ZDHHC2: variants seen among roughly 807,000 people sequenced by gnomAD.
The protein encoded by ZDHHC2 is palmitoyltransferase ZDHHC2.
A neutral mutation model predicts 55.6 loss-of-function variants in ZDHHC2; 51 were observed. The ratio of observed to expected loss-of-function variants is 0.92; its 90% CI spans 0.73 to 1.16. The LOEUF (loss-of-function observed/expected upper bound fraction) is 1.16, where lower values mean the gene tolerates loss of function less well. Among genes scored for constraint, ZDHHC2 ranks in the 50% most tolerant of loss-of-function variants. ZDHHC2 has a pLI of 0.00. For missense variants in ZDHHC2, 491 were observed against 442.4 expected (o/e 1.11, Z -0.99); for synonymous variants, 199 against 152.9 (o/e 1.30, Z -2.22).
At chr8:17,165,826 T>A (rs932781770) in intron 1 of ZDHHC2, among the ~76,000 whole-genome samples, 2 of 152,214 alleles carry the variant, frequency 1.3e-5, no homozygotes, top group African/African-American at 2.4e-5. Context: ...TCATGAAATT[T>A]AAGCAGAGAA....
At chr8:17,201,248 C>T (rs1370248613) in intron 6 of ZDHHC2, among the ~76,000 whole-genome samples, 1 of 152,054 alleles carries the variant, frequency 6.6e-6, no homozygotes, top group African/African-American at 2.4e-5. Context: ...TGTGCATAGC[C>T]TATAAACCCC....
chr8:17,193,719 G>A (rs1172733404), intron 3 of ZDHHC2, among the ~76,000 whole-genome samples: 1 of 152,196 alleles, frequency 6.6e-6, no homozygotes, highest in South Asian at 2.1e-4. Flanking sequence ...TTGGTATTCA[G>A]AGTGTACCTG....
At chr8:17,177,115 G>C (rs1805178195) in intron 1 of ZDHHC2, among the ~76,000 whole-genome samples, 1 of 152,176 alleles carries the variant, frequency 6.6e-6, no homozygotes, top group Admixed American at 6.5e-5. Context: ...GGCCAATTTT[G>C]TCAAAGAATT....
intron 8 of ZDHHC2, 41 bp from the exon 9 acceptor site, chr8:17,209,891 A>T: frequency 1.3e-6 from 2 of 1,560,376 alleles, no homozygotes; most frequent in Non-Finnish European, 1.7e-6. Context: ...GCTAGTAAAT[A>T]TGTTCTTTAC....
chr8:17,205,561 T>G, intron 6 of ZDHHC2, 94 bp from the exon 7 acceptor site: 1 of 1,324,190 alleles, frequency 7.6e-7, no homozygotes, highest in Non-Finnish European at 1.0e-6. Flanking sequence ...GCCAATAAAT[T>G]AGAAGTGAGA....
chr8:17,202,419 C>T (rs1314524102), intron 6 of ZDHHC2, among the ~76,000 whole-genome samples: 2 of 152,052 alleles, frequency 1.3e-5, no homozygotes, highest in South Asian at 2.1e-4. Context: ...GGCCACACTC[C>T]TTCCAATGTA....
At chr8:17,214,139 A>G (rs1453203572) in intron 10 of ZDHHC2, among the ~76,000 whole-genome samples, 1 of 152,206 alleles carries the variant, frequency 6.6e-6, no homozygotes, top group Non-Finnish European at 1.5e-5. Context: ...AACATTATAA[A>G]ACATCACTAA....
chr8:17,176,998 A>T (rs986237297), intron 1 of ZDHHC2, among the ~76,000 whole-genome samples: 1 of 152,198 alleles, frequency 6.6e-6, no homozygotes, highest in African/African-American at 2.4e-5. Flanking sequence ...TCATTAAATA[A>T]GGTCTGGAAG....
chr8:17,156,999 AAGC>A, intron 1 of ZDHHC2, 146 bp downstream of exon 1: 1 of 738,736 alleles, frequency 1.4e-6, no homozygotes, highest in South Asian at 2.7e-5. Context: ...CCGCCGCTAA[AAGC>A]AGCCTCGGGG....
chr8:17,164,654 T>C (rs1341234129), intron 1 of ZDHHC2, among the ~76,000 whole-genome samples: 1 of 151,772 alleles, frequency 6.6e-6, no homozygotes, highest in Non-Finnish European at 1.5e-5. Flanking sequence ...AATAATAAAA[T>C]AGTTTCTAGG....
At chr8:17,164,297 G>C (rs1404002826) in intron 1 of ZDHHC2, among the ~76,000 whole-genome samples, 1 of 152,092 alleles carries the variant, frequency 6.6e-6, no homozygotes, top group African/African-American at 2.4e-5. Flanking sequence ...ATTATATGCT[G>C]CATTTCTCGT....
intron 1 of ZDHHC2, among the ~76,000 whole-genome samples, chr8:17,170,462 A>G (rs1042891166): frequency 2.0e-5 from 3 of 152,262 alleles, no homozygotes; most frequent in Non-Finnish European, 4.4e-5. Context: ...GGAGAGTTGT[A>G]AAGTACTCAT....
intron 1 of ZDHHC2, among the ~76,000 whole-genome samples, chr8:17,171,974 C>T (rs1472222430): frequency 1.3e-5 from 2 of 151,906 alleles, no homozygotes; most frequent in Non-Finnish European, 2.9e-5. Context: ...TTAACTTGTG[C>T]AAGCTGACTC....
chr8:17,217,179 C>A lies in ZDHHC2; in HGVS notation c.1071C>A (p.Ser357Arg). The A allele has an allele frequency of 6.2e-7, 1 of 1,611,428 alleles. No homozygotes were observed. The highest frequency in any genetic ancestry group is 1.1e-5 in the South Asian group (1 of 90,860). Residue 357 changes from serine to arginine, a missense_variant, in exon 12 of 13, where the codon AGC becomes AGA. Physicochemically the swap from Ser to Arg is moderately radical, Grantham distance 110. Coordinates refer to ENST00000262096, the MANE Select transcript of ZDHHC2 (RefSeq NM_016353.5). ...INPGKCKAGM[S>R]NPALTMENET ...TTATGTGCTTTCATTAAGGTATGAG[C>A]AATCCTGCATTAACCATGGAAAATG...
At chr8:17,204,194 A>T (rs898732086) in intron 6 of ZDHHC2, among the ~76,000 whole-genome samples, 1 of 152,132 alleles carries the variant, frequency 6.6e-6, no homozygotes, top group Non-Finnish European at 1.5e-5. Context: ...CCTTTACCTT[A>T]TATTTTTTGA....
chr8:17,205,246 T>C (rs1195688719), intron 6 of ZDHHC2, among the ~76,000 whole-genome samples: 1 of 152,152 alleles, frequency 6.6e-6, no homozygotes, highest in Non-Finnish European at 1.5e-5. Context: ...TCCATCTAAT[T>C]TGGGAATACT....
At chr8:17,175,117 T>C (rs764403507) in intron 1 of ZDHHC2, among the ~76,000 whole-genome samples, 1 of 152,082 alleles carries the variant, frequency 6.6e-6, no homozygotes, top group African/African-American at 2.4e-5. Context: ...TTTAGCTCAG[T>C]ATAGCTGTTT....
intron 6 of ZDHHC2, among the ~76,000 whole-genome samples, chr8:17,199,496 C>CG (rs1450863626): frequency 0.019 from 664 of 35,270 alleles, 7 homozygotes; most frequent in Admixed American, 0.042. Context: ...TCTTCTTCTT[C>CG]TTCTTCTTCT....
In ZDHHC2 at chr8:17,222,358, G is replaced by A. The variant is rs1418310478; in HGVS notation, c.*2137G>A. On this transcript the variant is annotated 3_prime_UTR_variant, in exon 13 of 13. Transcript: ENST00000262096. The stretch of plus-strand genomic sequence containing the variant: ...ATAAATTTATCTGAGTGAACAAAGT[G>A]CTAAATAAATAGATCTACATTTTGT... The A allele has an allele frequency of 6.6e-6, 1 of 151,556 alleles. No homozygotes were observed. Among genetic ancestry groups the A allele is most frequent in the Admixed American group, 6.6e-5 (1 of 15,192 alleles). 9.4% of individuals were successfully genotyped at this position (151,556 alleles called of 1,614,324 possible).
Sources: allele counts gnomAD v4.1 joint callset (sites outside exome capture counted in the v4.1 genomes callset), GRCh38; gene constraint gnomAD v4.1.1; transcripts MANE v1.5; gene names NCBI Gene and HGNC (gene_info 2026-07-23, HGNC 2026-07-21).